The following EXOC6B variants were observed in gnomAD, a reference collection of about 807,000 sequenced individuals.
EXOC6B encodes the protein exocyst complex component 6B.
Under a neutral mutation model 113.5 loss-of-function variants are expected in EXOC6B, and 54 were observed. That is an observed-to-expected ratio of 0.48 (90% CI 0.38 to 0.60). EXOC6B has a LOEUF of 0.60. EXOC6B is among the 20% of genes least tolerant of loss of function. The pLI is 0.00. For missense variants in EXOC6B, 797 were observed against 977.5 expected, an observed-to-expected ratio of 0.82 and a Z score of 2.46; for synonymous variants, 357 against 339.0, an observed-to-expected ratio of 1.05 and a Z score of -0.58.
intron 20 of EXOC6B, among the ~76,000 whole-genome samples, chr2:72,230,274 GA>G (rs1356702893): frequency 6.6e-6 from 1 of 152,172 alleles, no homozygotes; most frequent in Non-Finnish European, 1.5e-5. Context: ...CAGTTCTGCT[GA>G]ATGTACTTTG....
chr2:72,301,807 T>A (rs1686549665), intron 20 of EXOC6B, among the ~76,000 whole-genome samples: 1 of 152,206 alleles, frequency 6.6e-6, no homozygotes, highest in Admixed American at 6.5e-5. Context: ...GATTTGTTGA[T>A]CCTGTGAATT....
intron 20 of EXOC6B, among the ~76,000 whole-genome samples, chr2:72,191,038 C>G (rs1488993871): frequency 6.6e-6 from 1 of 152,056 alleles, no homozygotes; most frequent in East Asian, 1.9e-4. Flanking sequence ...TTTAATAGAA[C>G]AGGGGAACTA....
chr2:72,794,382 A>G (rs1684834988), intron 1 of EXOC6B, among the ~76,000 whole-genome samples: 1 of 152,220 alleles, frequency 6.6e-6, no homozygotes, highest in East Asian at 1.9e-4. Context: ...CATAACCTTT[A>G]TTTTTAGTCA....
At chr2:72,394,916 G>A (rs1290867244) in intron 18 of EXOC6B, among the ~76,000 whole-genome samples, 1 of 152,004 alleles carries the variant, frequency 6.6e-6, no homozygotes, top group Non-Finnish European at 1.5e-5. Context: ...TTCACTTAAA[G>A]TGCATTTTAA....
intron 20 of EXOC6B, among the ~76,000 whole-genome samples, chr2:72,273,290 A>T (rs1338550016): frequency 6.6e-6 from 1 of 152,188 alleles, no homozygotes; most frequent in Non-Finnish European, 1.5e-5. Context: ...TTTTAAAAAG[A>T]TGTTTACTTA....
In EXOC6B at chr2:72,559,529, C is replaced by G; in HGVS notation, c.847-8G>C. 6.2e-7 allele frequency: 1 copy of G among 1,609,612 alleles called. No individual in the cohort carries two copies. Among genetic ancestry groups the G allele is most frequent in the Non-Finnish European group, 8.5e-7 (1 of 1,177,856 alleles). On this transcript the variant is annotated splice_region_variant and splice_polypyrimidine_tract_variant and intron_variant, in intron 7 of 21. Coordinates refer to ENST00000272427, the MANE Select transcript of EXOC6B (RefSeq NM_015189.3). ...ATCTTGGGCCCCAGGTACCTGCAAA[C>G]ACAAGATTATAACAAAAAAATTCAA...
At chr2:72,374,109 T>C (rs985137171) in intron 19 of EXOC6B, among the ~76,000 whole-genome samples, 3 of 152,112 alleles carry the variant, frequency 2.0e-5, no homozygotes, top group Non-Finnish European at 4.4e-5. Flanking sequence ...TGGAGAATAA[T>C]TTGGAAGTTC....
chr2:72,359,455 C>A (rs776233485), intron 19 of EXOC6B, among the ~76,000 whole-genome samples: 48 of 152,056 alleles, frequency 3.2e-4, no homozygotes, highest in Non-Finnish European at 2.6e-4. Context: ...AGACACTAAA[C>A]CCGACAATGC....
intron 19 of EXOC6B, among the ~76,000 whole-genome samples, chr2:72,366,306 A>G (rs1176848129): frequency 6.6e-6 from 1 of 152,096 alleles, no homozygotes; most frequent in Non-Finnish European, 1.5e-5. Context: ...TCAAATGACA[A>G]ATACATTGAA....
chr2:72,577,127 A>G (rs1021130381), intron 6 of EXOC6B, among the ~76,000 whole-genome samples: 2 of 152,120 alleles, frequency 1.3e-5, no homozygotes, highest in Admixed American at 6.6e-5. Flanking sequence ...ATCAATGGAC[A>G]TACTTGTTTC....
At chr2:72,652,116 A>C (rs1674212083) in intron 6 of EXOC6B, among the ~76,000 whole-genome samples, 1 of 152,082 alleles carries the variant, frequency 6.6e-6, no homozygotes, top group Non-Finnish European at 1.5e-5. Flanking sequence ...AAATAAAACC[A>C]TACAGAGCCA....
intron 6 of EXOC6B, among the ~76,000 whole-genome samples, chr2:72,701,378 A>C (rs914509068): frequency 6.6e-6 from 1 of 152,038 alleles, no homozygotes; most frequent in Non-Finnish European, 1.5e-5. Context: ...TAAGAGAAAA[A>C]ATTCCACCTG....
intron 18 of EXOC6B, among the ~76,000 whole-genome samples, chr2:72,450,940 A>G (rs1451404785): frequency 6.6e-6 from 1 of 152,158 alleles, no homozygotes; most frequent in African/African-American, 2.4e-5. Flanking sequence ...ATAAACAAAA[A>G]ACACTGGAAG....
chr2:72,468,215 T>A (rs1229185660), intron 17 of EXOC6B, among the ~76,000 whole-genome samples: 2 of 152,106 alleles, frequency 1.3e-5, no homozygotes, highest in Non-Finnish European at 1.5e-5. Context: ...AAAAAAAAAA[T>A]CATTGCCCAG....
chr2:72,182,878 TGA>T, intron 21 of EXOC6B: 1 of 1,230,342 alleles, frequency 8.1e-7, no homozygotes, highest in Non-Finnish European at 1.0e-6. Context: ...AAGGCCCAAG[TGA>T]ATAATATACT....
At chr2:72,393,646 T>G (rs1040115078) in intron 18 of EXOC6B, among the ~76,000 whole-genome samples, 2 of 152,198 alleles carry the variant, frequency 1.3e-5, no homozygotes, top group African/African-American at 4.8e-5. Context: ...AGAAGAAAAC[T>G]ATAATAGATA....
intron 15 of EXOC6B, among the ~76,000 whole-genome samples, chr2:72,493,332 C>T (rs996870591): frequency 7.1e-6 from 1 of 140,284 alleles, no homozygotes; most frequent in Non-Finnish European, 1.5e-5. Context: ...CCCCCCCCCC[C>T]CCGCATTTTT....
chr2:72,488,608 T>C (rs181331982), intron 16 of EXOC6B, among the ~76,000 whole-genome samples: 2 of 152,302 alleles, frequency 1.3e-5, no homozygotes, highest in Admixed American at 1.3e-4. Context: ...GCCTTCTCGT[T>C]GCTCAAGTCA....
intron 1 of EXOC6B, among the ~76,000 whole-genome samples, chr2:72,763,809 G>A (rs1351433536): frequency 6.6e-6 from 1 of 152,136 alleles, no homozygotes; most frequent in Non-Finnish European, 1.5e-5. Flanking sequence ...GGATGGGTGT[G>A]GTGGCTCATA....
Sources: gnomAD v4.1 joint callset for allele counts (sites outside exome capture counted in the v4.1 genomes callset) on GRCh38, gnomAD v4.1.1 for gene constraint, MANE v1.5 for transcripts, NCBI Gene and HGNC (gene_info 2026-07-23, HGNC 2026-07-21) for gene names.